The following MRPL32 variants were observed in gnomAD, a reference collection of about 807,000 sequenced individuals.
MRPL32 encodes large ribosomal subunit protein bL32m.
A neutral mutation model predicts 21.7 loss-of-function variants in MRPL32; 14 were observed. That is an observed-to-expected ratio of 0.64 (90% CI 0.43 to 1.01). The LOEUF is 1.01. MRPL32 is among the 50% of genes least tolerant of loss of function. The pLI is 0.00. For missense variants in MRPL32, 211 were observed against 235.9 expected (o/e 0.89, Z 0.69); for synonymous variants, 83 against 87.7 (o/e 0.95, Z 0.30).
Position 42,934,929 on chromosome 7 carries a change from T to G in MRPL32, c.131-26T>G, listed in dbSNP as rs1786400348. 4 of 1,510,024 alleles carry G rather than the reference T, an allele frequency of 2.6e-6. No homozygotes were observed. In the South Asian group the frequency reaches 5.3e-5, roughly 20 times the overall value. 93.5% of individuals were successfully genotyped at this position (1,510,024 alleles called of 1,614,324 possible). On this transcript the variant is annotated intron_variant, in intron 1 of 2. Transcript: ENST00000223324. The stretch of plus-strand genomic sequence containing the variant: ...TAATTTAGAAGCTAGAAACTAATTC[T>G]GTATCTCTTATGTTTTATTTCCTAG...
At chr7:42,932,619 C>T (rs1205801949) in intron 1 of MRPL32, 103 bp downstream of exon 1, 3 of 1,289,466 alleles carry the variant, frequency 2.3e-6, no homozygotes, top group African/African-American at 3.0e-5. Flanking sequence ...GGTTCTGATC[C>T]GCGGCCTCAT....
intron 1 of MRPL32, among the ~76,000 whole-genome samples, chr7:42,934,122 A>G (rs1250513192): frequency 1.3e-5 from 2 of 151,924 alleles, no homozygotes; most frequent in Non-Finnish European, 2.9e-5. Context: ...TACAAAATTA[A>G]CCAGGCGTGG....
At chr7:42,934,516 G>A (rs1288541030) in intron 1 of MRPL32, among the ~76,000 whole-genome samples, 1 of 152,154 alleles carries the variant, frequency 6.6e-6, no homozygotes, top group Non-Finnish European at 1.5e-5. Flanking sequence ...ATAAGAAAAG[G>A]CAATTGGCAG....
At chr7:42,932,660 T>C in intron 1 of MRPL32, 144 bp downstream of exon 1, 1 of 856,808 alleles carries the variant, frequency 1.2e-6, no homozygotes, top group Non-Finnish European at 1.7e-6. Flanking sequence ...CATTCCCATA[T>C]TAGCGAGAAC....
chr7:42,935,456 A>G, intron 2 of MRPL32: 2 of 189,230 alleles, frequency 1.1e-5, no homozygotes, highest in Non-Finnish European at 2.2e-5. Flanking sequence ...TGAACTACAG[A>G]TGAGTAAACA....
rs536873059 is a variant in MRPL32, at chr7:42,933,007, G to A, written c.130+491G>A. ...TGTCTGCTAGCTCGCAGTTGTCTTA[G>A]GGAGAATTCTATCCTCCCGCAGAGA... is the stretch of plus-strand genomic sequence containing the variant. On this transcript the variant is annotated intron_variant, in intron 1 of 2. Transcript: ENST00000223324. Among the ~76,000 whole-genome samples, 5 of 152,216 alleles carry A rather than the reference G, an allele frequency of 3.3e-5. No individual in the cohort carries two copies. The South Asian group carries it at 1.0e-3, about 32-fold the overall frequency.
chr7:42,935,458 G>A, intron 2 of MRPL32: 1 of 189,118 alleles, frequency 5.3e-6, no homozygotes, highest in South Asian at 1.7e-4. Context: ...AACTACAGAT[G>A]AGTAAACATC....
At chr7:42,933,454 T>A (rs994416674) in intron 1 of MRPL32, among the ~76,000 whole-genome samples, 15 of 144,956 alleles carry the variant, frequency 1.0e-4, no homozygotes, top group African/African-American at 3.9e-4. Context: ...TCACCTCCCC[T>A]CCCGCTTCCC....
intron 2 of MRPL32, 30 bp downstream of exon 2, chr7:42,935,166 T>G (rs777712518): frequency 6.3e-7 from 1 of 1,583,192 alleles, no homozygotes; most frequent in Non-Finnish European, 8.6e-7. Context: ...GGGTGTGCTT[T>G]TCCTCAAGTC....
chr7:42,934,421 G>T (rs1786391394), intron 1 of MRPL32, among the ~76,000 whole-genome samples: 1 of 152,138 alleles, frequency 6.6e-6, no homozygotes, highest in African/African-American at 2.4e-5. Flanking sequence ...TTTCTTTAGA[G>T]AGCAGACAGG....
chr7:42,936,692 A>C (rs979303144), intron 2 of MRPL32: 4 of 149,220 alleles, frequency 2.7e-5, no homozygotes, highest in Non-Finnish European at 4.4e-5. Flanking sequence ...CTATCTCTAT[A>C]TATATATATA....
intron 1 of MRPL32, among the ~76,000 whole-genome samples, chr7:42,934,267 CAAAAAA>C (rs3028763): frequency 5.6e-5 from 7 of 124,854 alleles, no homozygotes; most frequent in Admixed American, 3.2e-4. Flanking sequence ...GACTCAGTCT[CAAAAAA>C]AAAAAAAAAA....
intron 2 of MRPL32, chr7:42,935,700 T>G (rs1452175071): frequency 6.6e-6 from 1 of 152,140 alleles, no homozygotes; most frequent in Non-Finnish European, 1.5e-5. Context: ...CCAAAGCAAA[T>G]AAGATATTCT....
chr7:42,934,540 G>T (rs535503919), intron 1 of MRPL32, among the ~76,000 whole-genome samples: 1 of 152,112 alleles, frequency 6.6e-6, no homozygotes, highest in Non-Finnish European at 1.5e-5. Context: ...CATCAGTGCC[G>T]GTCAGAAGTG....
In MRPL32 at chr7:42,937,847, C is replaced by T. The variant is rs1040866752; in HGVS notation, c.*271C>T. ...GAACAAAAATAAAAAATTTAAAATT[C>T]ATAGCAAAAATTCTGTGTTTTGGCT... On this transcript the variant is annotated 3_prime_UTR_variant, in exon 3 of 3. Coordinates refer to ENST00000223324, the MANE Select transcript of MRPL32 (RefSeq NM_031903.3). 17 of 266,656 alleles carry T rather than the reference C, an allele frequency of 6.4e-5. No homozygotes were observed. The highest frequency in any genetic ancestry group is 9.8e-5 in the Non-Finnish European group (14 of 143,432). The allele number at this position is 266,656 out of a possible 1,614,324, so 16.5% of individuals were successfully genotyped here.
intron 2 of MRPL32, chr7:42,936,678 A>G (rs1023419832): frequency 1.5e-5 from 2 of 135,206 alleles, no homozygotes; most frequent in East Asian, 2.7e-4. Context: ...ATATATATCT[A>G]TATCTATCTC....
intron 2 of MRPL32, 173 bp from the exon 3 acceptor site, chr7:42,937,149 G>A: frequency 1.3e-6 from 2 of 1,515,296 alleles, no homozygotes; most frequent in Non-Finnish European, 1.8e-6. Flanking sequence ...CAAACTCAGT[G>A]TTGCTTGTCT....
chr7:42,932,994 C>T (rs1435149082), intron 1 of MRPL32, among the ~76,000 whole-genome samples: 2 of 151,968 alleles, frequency 1.3e-5, no homozygotes, highest in Non-Finnish European at 2.9e-5. Flanking sequence ...TCTGCTAGCT[C>T]GCAGTTGTCT....
At chr7:42,933,996 C>T (rs1786378989) in intron 1 of MRPL32, among the ~76,000 whole-genome samples, 2 of 152,092 alleles carry the variant, frequency 1.3e-5, no homozygotes, top group East Asian at 1.9e-4. Flanking sequence ...GGGCTGGGCG[C>T]GGTGGCTCAC....
Sources: gnomAD v4.1 joint callset for allele counts (sites outside exome capture counted in the v4.1 genomes callset) on GRCh38, gnomAD v4.1.1 for gene constraint, MANE v1.5 for transcripts, NCBI Gene and HGNC (gene_info 2026-07-23, HGNC 2026-07-21) for gene names.